The following DET1 variants were observed in gnomAD, a reference collection of about 807,000 sequenced individuals.
The protein encoded by DET1 is DET1 partner of COP1 E3 ubiquitin ligase.
Under a neutral mutation model 43.7 loss-of-function variants are expected in DET1, and 22 were observed. The ratio of observed to expected loss-of-function variants is 0.50; its 90% CI spans 0.36 to 0.72. The LOEUF is 0.72. Among genes scored for constraint, DET1 ranks in the 30% least tolerant of loss-of-function variants. The pLI, the probability that DET1 is intolerant of heterozygous loss-of-function variation, is 0.00. For missense variants in DET1, 713 were observed against 713.3 expected (o/e 1.00, Z 0.00); for synonymous variants, 315 against 266.2 (o/e 1.18, Z -1.79).
chr15:88,525,114 G>C (rs982147676), intron 3 of DET1, among the ~76,000 whole-genome samples: 1 of 151,932 alleles, frequency 6.6e-6, no homozygotes, highest in Non-Finnish European at 1.5e-5. Flanking sequence ...CCCAATTATG[G>C]GTATAATTTG....
At chr15:88,511,284 G>T, downstream of DET1, 1 of 509,566 alleles carries the variant, frequency 2.0e-6, no homozygotes, top group Non-Finnish European at 2.5e-6. Context: ...AAGTTACCTT[G>T]TGAAATTCGT....
chr15:88,537,633 A>G (rs549540416), intron 1 of DET1, among the ~76,000 whole-genome samples: 12 of 152,272 alleles, frequency 7.9e-5, no homozygotes, highest in Non-Finnish European at 1.8e-4. Context: ...TATGGCCCTC[A>G]TTAGATGGTG....
rs1269199960 is a variant in DET1, at chr15:88,513,087, A to G, written c.1517T>C (p.Leu506Ser). The G allele has an allele frequency of 6.2e-7, 1 of 1,613,860 alleles. No individual in the cohort carries two copies. Among genetic ancestry groups the G allele is most frequent in the African/African-American group, 1.3e-5 (1 of 74,942 alleles). The change falls in exon 5 of 5, where the codon TTG (leucine) becomes TCG (serine). Residue 506 changes from leucine to serine, a missense_variant. Physicochemically the swap from Leu to Ser is moderately radical, Grantham distance 145 (BLOSUM62 -2). Coordinates refer to ENST00000268148, the MANE Select transcript of DET1 (RefSeq NM_001144074.3). ...CACTGTGTGGTTGATGGGGCGGCCCAATAACCCCGCCTGGATCTCAAACTT... is the reference window on the plus strand; with the variant it reads ...CACTGTGTGGTTGATGGGGCGGCCCGATAACCCCGCCTGGATCTCAAACTT... ...LLKFEIQAGL[L>S]GRPINHTVRR...
intron 7 of DET1, chr15:88,505,275 C>T (rs965451075): frequency 6.6e-6 from 1 of 152,162 alleles, no homozygotes; most frequent in African/African-American, 2.4e-5. Flanking sequence ...CCTTTAGTTG[C>T]GCCTTGTTTG....
chr15:88,518,326 ATC>A (rs796891906), intron 3 of DET1, among the ~76,000 whole-genome samples: 143 of 152,276 alleles, frequency 9.4e-4, no homozygotes, highest in African/African-American at 3.3e-3. Flanking sequence ...ATGCAGAAAA[ATC>A]TCTGTGTACA....
intron 4 of DET1, among the ~76,000 whole-genome samples, chr15:88,515,730 G>A (rs1039818749): frequency 6.6e-6 from 1 of 151,868 alleles, no homozygotes; most frequent in African/African-American, 2.4e-5. Flanking sequence ...TGGGGTAATG[G>A]TGTTACTTGT....
At chr15:88,537,968 G>T (rs1162226492) in intron 1 of DET1, among the ~76,000 whole-genome samples, 1 of 152,208 alleles carries the variant, frequency 6.6e-6, no homozygotes, top group Non-Finnish European at 1.5e-5. Flanking sequence ...TTGCATGCTT[G>T]TGTTTAATGT....
chr15:88,517,910 T>C (rs976838245), intron 3 of DET1, among the ~76,000 whole-genome samples: 1 of 152,184 alleles, frequency 6.6e-6, no homozygotes, highest in African/African-American at 2.4e-5. Context: ...CAGTTATTTC[T>C]CATCACTGTC....
chr15:88,511,667 C>A, downstream of DET1: 1 of 955,162 alleles, frequency 1.0e-6, no homozygotes, highest in Non-Finnish European at 1.2e-6. Context: ...GGCATCCTGA[C>A]ATAGTTTCCA....
In DET1 at chr15:88,516,096, G is replaced by C. The variant is rs933690281; in HGVS notation, c.1463+686C>G. ...TAAAGATCTAACTACCACTGTTTCT[G>C]TGTGAAAAAGACCTTCCAAGCTCCA... On this transcript the variant is annotated intron_variant, in intron 4 of 4. Transcript: ENST00000268148. The surrounding 1 kb of genome is among the most constrained non-coding windows in gnomAD (Gnocchi z 4.4). 4.6e-5 allele frequency among the ~76,000 whole-genome samples: 7 copies of C among 152,122 alleles called. No individual in the cohort carries two copies. Among genetic ancestry groups the C allele is most frequent in the Non-Finnish European group, 5.9e-5 (4 of 68,018 alleles).
At chr15:88,536,112 A>T (rs1598344282) in intron 1 of DET1, among the ~76,000 whole-genome samples, 2 of 152,360 alleles carry the variant, frequency 1.3e-5, no homozygotes, top group East Asian at 3.9e-4. Context: ...TTCTCATCAG[A>T]AACCATGGAA....
chr15:88,522,426 T>C (rs1266326839), intron 3 of DET1, among the ~76,000 whole-genome samples: 3 of 152,028 alleles, frequency 2.0e-5, no homozygotes, highest in African/African-American at 7.2e-5. Flanking sequence ...CTTATCTATT[T>C]ACTCTACTTT....
rs1283383963 is a variant in DET1 at position 88,516,770 on chromosome 15, G to C, written c.1463+12C>G. On this transcript the variant is annotated intron_variant, in intron 4 of 4. Transcript: ENST00000268148. The surrounding 1 kb of genome is among the most constrained non-coding windows in gnomAD (Gnocchi z 4.4). ...CCTTGAGCAGTTTGTAGCTATAGCA[G>C]TGACACTGTACCTGATTGGGTGATC... is the stretch of plus-strand genomic sequence containing the variant. 1 of 1,542,252 alleles carries C rather than the reference G, an allele frequency of 6.5e-7. No individual in the cohort carries two copies. Among genetic ancestry groups the C allele is most frequent in the African/African-American group, 1.4e-5 (1 of 70,900 alleles).
chr15:88,522,512 G>GTTTTTTTTTTTGTTT (rs2056520779), intron 3 of DET1, among the ~76,000 whole-genome samples: 1 of 80,258 alleles, frequency 1.2e-5, no homozygotes, highest in African/African-American at 5.2e-5. Flanking sequence ...AATGTTCCTG[G>GTTTTTTTTTTTGTTT]TTTTTTTTTT....
Position 88,504,262 on chromosome 15 carries a change from G to A in DET1, c.*2066-275C>T, listed in dbSNP as rs1455550050. ...TGAATGATTCCAGGGGTGCGGGCGG[G>A]GTGCAAAAGCCTAGCCTTGAAATGT... On this transcript the variant is annotated intron_variant and NMD_transcript_variant, in intron 7 of 8. Transcript: ENST00000557842. This position sits in a 1 kb window ranked among gnomAD's most constrained non-coding sequence, Gnocchi z 4.7. 3 of 152,226 alleles carry A rather than the reference G, an allele frequency of 2.0e-5. No homozygotes were observed. In the East Asian group the frequency reaches 5.8e-4, roughly 29 times the overall value. 9.4% of individuals were successfully genotyped at this position (152,226 alleles called of 1,614,324 possible).
intron 2 of DET1, among the ~76,000 whole-genome samples, chr15:88,528,159 C>T (rs1436653075): frequency 6.6e-6 from 1 of 152,250 alleles, no homozygotes; most frequent in Non-Finnish European, 1.5e-5. Flanking sequence ...TCCCTACTCG[C>T]TCCCCAACCC....
In DET1 at chr15:88,544,753, G is replaced by C. The variant is rs143709158; in HGVS notation, c.-11+1787C>G. ...AACAGGGGTCCCCAGGCCTCGGTCA[G>C]GCCCCTTCTAAAACTGTGCCTAAGT... On this transcript the variant is annotated intron_variant, in intron 1 of 4. Transcript: ENST00000268148. 4.3e-3 allele frequency among the ~76,000 whole-genome samples: 652 copies of C among 152,170 alleles called. 7 individuals are homozygous for C. Among genetic ancestry groups the C allele is most frequent in the African/African-American group, 0.015 (615 of 41,484 alleles).
chr15:88,525,812 C>T (rs996842575), intron 3 of DET1, among the ~76,000 whole-genome samples: 1 of 151,060 alleles, frequency 6.6e-6, no homozygotes, highest in Non-Finnish European at 1.5e-5. Context: ...CAGGCATGCA[C>T]CACCACACTC....
rs755001244 is a variant in DET1, at chr15:88,530,789, C to G, written c.917G>C (p.Arg306Pro). The G allele has an allele frequency of 6.2e-7, 1 of 1,613,866 alleles. No individual in the cohort carries two copies. The highest frequency in any genetic ancestry group is 8.5e-7 in the Non-Finnish European group (1 of 1,179,820). The stretch of plus-strand genomic sequence containing the variant: ...CATTGCACTACCATCCTGTTCTGCC[C>G]GGCGCCACAAATATACCAGCAACCG... Reference protein sequence around the residue: ...KHRLLVYLWRRAEQDGSAMAK... With the variant: ...KHRLLVYLWRPAEQDGSAMAK... Residue 306 changes from arginine to proline, a missense_variant, in exon 2 of 5, where the codon CGG (arginine) becomes CCG (proline). Physicochemically the swap from Arg to Pro is moderately radical, Grantham distance 103. Coordinates refer to ENST00000268148, the MANE Select transcript of DET1 (RefSeq NM_001144074.3).
Sources: gnomAD v4.1 joint callset for allele counts (sites outside exome capture counted in the v4.1 genomes callset) on GRCh38, gnomAD v4.1.1 for gene constraint, Gnocchi (gnomAD v3.1) non-coding constraint, MANE v1.5 for transcripts, NCBI Gene and HGNC (gene_info 2026-07-23, HGNC 2026-07-21) for gene names.